Variants in CNTNAP5 observed in about 807,000 individuals in gnomAD.
CNTNAP5 encodes contactin associated protein family member 5, also known as contactin-associated protein-like 5.
CNTNAP5 carries 72 observed loss-of-function variants against 150.2 expected under a neutral mutation model. That is an observed-to-expected ratio of 0.48 (90% CI 0.40 to 0.58). CNTNAP5 has a LOEUF of 0.58. Among genes scored for constraint, CNTNAP5 ranks in the 20% least tolerant of loss-of-function variants. The probability of loss-of-function intolerance (pLI) is 0.00; values close to 1 mark genes in which losing one functional copy is unlikely to be tolerated. For synonymous variants in CNTNAP5, 672 were observed against 619.8 expected, an observed-to-expected ratio of 1.08 and a Z score of -1.25; for missense variants, 1,636 against 1,626.2, an observed-to-expected ratio of 1.01 and a Z score of -0.10.
chr2:124,085,504 TC>T (rs1258562147), intron 1 of CNTNAP5, among the ~76,000 whole-genome samples: 1 of 152,192 alleles, frequency 6.6e-6, no homozygotes, highest in Non-Finnish European at 1.5e-5. Flanking sequence ...TCATTAATTT[TC>T]CTTTGTTATT....
chr2:124,601,061 T>A (rs1696975404), intron 11 of CNTNAP5, among the ~76,000 whole-genome samples: 2 of 152,156 alleles, frequency 1.3e-5, no homozygotes, highest in Admixed American at 6.5e-5. Context: ...CAATCCTCTT[T>A]CCAGTTGTGG....
At chr2:124,659,556 G>A (rs1477574527) in intron 13 of CNTNAP5, among the ~76,000 whole-genome samples, 13 of 151,892 alleles carry the variant, frequency 8.6e-5, no homozygotes, top group Admixed American at 6.6e-4. Flanking sequence ...CTAACATATT[G>A]ACCTCACTTG....
intron 1 of CNTNAP5, among the ~76,000 whole-genome samples, chr2:124,100,027 A>C (rs1683028502): frequency 6.6e-6 from 1 of 152,206 alleles, no homozygotes; most frequent in Non-Finnish European, 1.5e-5. Context: ...ATTGCTATAA[A>C]GAAATAACTG....
In CNTNAP5 at chr2:124,417,546, G is replaced by A. The variant is rs1691955453; in HGVS notation, c.485G>A (p.Ser162Asn). 3 of 1,613,664 alleles carry A rather than the reference G, an allele frequency of 1.9e-6. No individual in the cohort carries two copies. Among genetic ancestry groups the A allele is most frequent in the Non-Finnish European group, 2.5e-6 (3 of 1,179,808 alleles). Residue 162 changes from serine (S) to asparagine (N), a missense_variant, in exon 4 of 24, where the codon AGT (serine) becomes AAT (asparagine). Transcript: ENST00000682447. ...VRFVPLEWNP[S>N]GKIGMRVEVY... ...TTTGTGCCCCTGGAATGGAATCCCA[G>A]TGGGAAGATTGGCATGAGAGTCGAG... is the stretch of plus-strand genomic sequence containing the variant.
At chr2:124,245,475 G>A (rs1413355620) in intron 3 of CNTNAP5, among the ~76,000 whole-genome samples, 1 of 151,942 alleles carries the variant, frequency 6.6e-6, no homozygotes, top group Non-Finnish European at 1.5e-5. Flanking sequence ...TTGCAAAACT[G>A]TCTAAATTGT....
At position 124,914,309 on chromosome 2, in the gene CNTNAP5, ACTC is replaced by A; in HGVS notation, c.*22_*24del. ...TCTGAGAAACTGCAGGGTTCCTACT[ACTC>A]TTTTTTCTTGTTGTTCAATTATCTC... is the stretch of plus-strand genomic sequence containing the variant. On this transcript the variant is annotated 3_prime_UTR_variant, in exon 24 of 24. Coordinates refer to ENST00000682447, the MANE Select transcript of CNTNAP5 (RefSeq NM_001367498.1). The A allele has an allele frequency of 6.4e-7, 1 of 1,555,722 alleles. No homozygotes were observed. Among genetic ancestry groups the A allele is most frequent in the Non-Finnish European group, 8.8e-7 (1 of 1,135,024 alleles).
At chr2:124,763,832 G>T (rs1558766148) in intron 15 of CNTNAP5, 33 bp downstream of exon 15, 1 of 1,611,950 alleles carries the variant, frequency 6.2e-7, no homozygotes, top group Non-Finnish European at 8.5e-7. Context: ...CTTTCTCTCT[G>T]CATTACATGA....
chr2:124,156,741 G>A (rs1048285724), intron 1 of CNTNAP5, among the ~76,000 whole-genome samples: 6 of 152,188 alleles, frequency 3.9e-5, no homozygotes, highest in South Asian at 2.1e-4. Flanking sequence ...CACCCACCTC[G>A]GCCTCCCAAA....
At chr2:124,098,842 A>G in intron 1 of CNTNAP5, among the ~76,000 whole-genome samples, 1 of 152,150 alleles carries the variant, frequency 6.6e-6, no homozygotes, top group East Asian at 1.9e-4. Context: ...AGTGTCAGGA[A>G]CTCCACTGCA....
At chr2:124,300,808 G>A (rs1454156354) in intron 3 of CNTNAP5, among the ~76,000 whole-genome samples, 1 of 152,178 alleles carries the variant, frequency 6.6e-6, no homozygotes, top group African/African-American at 2.4e-5. Context: ...AGTTTCTCCA[G>A]ATGATTAAAC....
chr2:124,902,388 A>G (rs1678431791), intron 21 of CNTNAP5, among the ~76,000 whole-genome samples: 1 of 152,194 alleles, frequency 6.6e-6, no homozygotes, highest in African/African-American at 2.4e-5. Context: ...AATTTACACA[A>G]TAAATCTTTG....
chr2:124,723,859 C>T (rs1680098130), intron 13 of CNTNAP5, among the ~76,000 whole-genome samples: 1 of 152,030 alleles, frequency 6.6e-6, no homozygotes, highest in South Asian at 2.1e-4. Context: ...AAGATCTTAT[C>T]TTTAGGCCGG....
chr2:124,552,867 G>A (rs1052483630), intron 10 of CNTNAP5, among the ~76,000 whole-genome samples: 1 of 152,090 alleles, frequency 6.6e-6, no homozygotes, highest in Non-Finnish European at 1.5e-5. Context: ...ACGTACAGAC[G>A]TACTATTCGT....
intron 13 of CNTNAP5, among the ~76,000 whole-genome samples, chr2:124,651,815 G>T (rs570677180): frequency 8.5e-5 from 13 of 152,172 alleles, no homozygotes; most frequent in Non-Finnish European, 8.8e-5. Flanking sequence ...TTCCTGGGCG[G>T]CATCAGAGGG....
At chr2:124,578,156 C>CAAAAAAAA (rs556786620) in intron 11 of CNTNAP5, among the ~76,000 whole-genome samples, 396 of 69,406 alleles carry the variant, frequency 5.7e-3, no homozygotes, top group African/African-American at 0.012. Context: ...ACTAAAAATA[C>CAAAAAAAA]AAAAAAAAAA....
intron 11 of CNTNAP5, among the ~76,000 whole-genome samples, chr2:124,602,508 A>G (rs923694252): frequency 6.6e-6 from 1 of 151,658 alleles, no homozygotes; most frequent in Non-Finnish European, 1.5e-5. Context: ...TGTTTTTTTA[A>G]ACTGAGACAG....
chr2:124,218,526 G>A (rs138305161), intron 1 of CNTNAP5, among the ~76,000 whole-genome samples: 13 of 152,250 alleles, frequency 8.5e-5, no homozygotes, highest in African/African-American at 2.9e-4. Flanking sequence ...CAAATGCATA[G>A]GGTCTATGAG....
intron 14 of CNTNAP5, among the ~76,000 whole-genome samples, chr2:124,754,278 A>G (rs926662660): frequency 2.0e-5 from 3 of 152,176 alleles, no homozygotes; most frequent in Non-Finnish European, 4.4e-5. Flanking sequence ...ATAATAAATT[A>G]GGCAATCTCT....
intron 1 of CNTNAP5, among the ~76,000 whole-genome samples, chr2:124,090,312 A>G (rs1439140): frequency 0.078 from 11,915 of 152,130 alleles, 563 homozygotes; most frequent in South Asian, 0.15. Flanking sequence ...TTGGGGGAGG[A>G]TATTGCTTTT....
Sources: allele counts gnomAD v4.1 joint callset (sites outside exome capture counted in the v4.1 genomes callset), GRCh38; gene constraint gnomAD v4.1.1; transcripts MANE v1.5; gene names NCBI Gene and HGNC (gene_info 2026-07-23, HGNC 2026-07-21).